DNAH6: variants seen among roughly 807,000 people sequenced by gnomAD.
DNAH6 encodes dynein axonemal heavy chain 6.
In DNAH6, 340 loss-of-function variants were observed where a neutral mutation model predicts 491.4. The observed-to-expected ratio is 0.69, with a 90% confidence interval of 0.63 to 0.76. The LOEUF is 0.76. Ranked by LOEUF, DNAH6 falls within the 30% of genes least tolerant of loss-of-function variation. The pLI is 0.00. For synonymous variants in DNAH6, 1,603 were observed against 1,686.1 expected, an observed-to-expected ratio of 0.95 and a Z score of 1.21; for missense variants, 4,443 against 4,972.2, an observed-to-expected ratio of 0.89 and a Z score of 3.20.
At chr2:84,529,931 A>G (rs960526282) in intron 4 of DNAH6, among the ~76,000 whole-genome samples, 4 of 152,214 alleles carry the variant, frequency 2.6e-5, no homozygotes, top group African/African-American at 7.2e-5. Flanking sequence ...TGCTGCAGAA[A>G]ATGGGTAGAG....
At chr2:84,502,834 A>G in the DNAH6 span, among the ~76,000 whole-genome samples, 25 of 152,072 alleles carry the variant, frequency 1.6e-4, no homozygotes, top group South Asian at 5.2e-3. Flanking sequence ...TTTTGTTTCT[A>G]TAGGCATGGA....
intron 67 of DNAH6, 148 bp downstream of exon 67, chr2:84,785,904 T>C (rs1296722044): frequency 1.3e-6 from 1 of 768,492 alleles, no homozygotes; most frequent in East Asian, 3.0e-5. Flanking sequence ...TCATTCAATC[T>C]CTATACTCCC....
chr2:84,654,978 T>A lies in DNAH6; in HGVS notation c.5757+196T>A, dbSNP rs11893128. Among the ~76,000 whole-genome samples, 12,371 of 151,792 alleles carry A rather than the reference T, an allele frequency of 0.081. 1,685 individuals are homozygous for A. The highest frequency in any genetic ancestry group is 0.28 in the African/African-American group (11,697 of 41,228). ...TCCCCAAATCTGTCCTCATTTCTTG[T>A]TACCCCAGCCTGCCAGCCTGCCTAC... On this transcript the variant is annotated intron_variant, in intron 35 of 76. Coordinates refer to ENST00000389394, the MANE Select transcript of DNAH6 (RefSeq NM_001370.2).
intron 49 of DNAH6, among the ~76,000 whole-genome samples, chr2:84,701,827 T>G (rs1695929614): frequency 6.6e-6 from 1 of 152,272 alleles, no homozygotes; most frequent in South Asian, 2.1e-4. Flanking sequence ...AACATGAGAT[T>G]TGGGTGGGGA....
At chr2:84,468,979 C>T in the DNAH6 span, among the ~76,000 whole-genome samples, 1 of 152,028 alleles carries the variant, frequency 6.6e-6, no homozygotes, top group Non-Finnish European at 1.5e-5. Flanking sequence ...TGTTACTGAC[C>T]AGCTTGTTGG....
chr2:84,699,703 T>C lies in DNAH6; in HGVS notation c.7787T>C (p.Val2596Ala). 1 of 1,551,732 alleles carries C rather than the reference T, an allele frequency of 6.4e-7. No individual in the cohort carries two copies. Among genetic ancestry groups the C allele is most frequent in the Non-Finnish European group, 8.7e-7 (1 of 1,146,992 alleles). Reference sequence around the variant, plus strand: ...CGATGCAGGATGTTTCCATCCCTTGTGAATTGCTGCACCATTGACTGGTTT... The same window carrying C: ...CGATGCAGGATGTTTCCATCCCTTGCGAATTGCTGCACCATTGACTGGTTT... Reference protein sequence around the residue: ...RSRCRMFPSLVNCCTIDWFVQ... With the variant: ...RSRCRMFPSLANCCTIDWFVQ... The change falls in exon 48 of 77, where the codon GTG (valine) becomes GCG (alanine). Residue 2596 changes from valine to alanine, a missense_variant. Physicochemically the swap from Val to Ala is moderately conservative, Grantham distance 64. Transcript: ENST00000389394.
chr2:84,577,526 A>G (rs886923411), intron 13 of DNAH6, 118 bp downstream of exon 13: 4 of 698,054 alleles, frequency 5.7e-6, no homozygotes, highest in Non-Finnish European at 6.4e-6. Flanking sequence ...TTAACATAAG[A>G]CTATTGGACA....
At chr2:84,575,670 G>A (rs749902417) in intron 12 of DNAH6, among the ~76,000 whole-genome samples, 4 of 152,168 alleles carry the variant, frequency 2.6e-5, no homozygotes, top group Non-Finnish European at 5.9e-5. Flanking sequence ...GGATCACGAG[G>A]TCAGGAGATT....
At chr2:84,463,109 G>A in the DNAH6 span, among the ~76,000 whole-genome samples, 8,096 of 152,252 alleles carry the variant, frequency 0.053, 473 homozygotes, top group African/African-American at 0.14. Context: ...GAAGTGCTCA[G>A]AAAGAGCCAG....
chr2:84,729,292 G>A (rs1444298399), intron 61 of DNAH6, among the ~76,000 whole-genome samples: 3 of 152,146 alleles, frequency 2.0e-5, no homozygotes, highest in Non-Finnish European at 4.4e-5. Context: ...GGCACAGAAA[G>A]GTTAAGTAAC....
intron 4 of DNAH6, among the ~76,000 whole-genome samples, chr2:84,531,245 G>T (rs957528118): frequency 1.1e-4 from 16 of 152,056 alleles, no homozygotes; most frequent in African/African-American, 3.9e-4. Context: ...AATAGAATGG[G>T]AGGCAGGTTT....
At chr2:84,559,869 CTAAAT>C (rs1247877833) in intron 11 of DNAH6, among the ~76,000 whole-genome samples, 1 of 151,830 alleles carries the variant, frequency 6.6e-6, no homozygotes, top group Non-Finnish European at 1.5e-5. Context: ...GAAATGAAGA[CTAAAT>C]TATATAGTGC....
chr2:84,671,547 C>T (rs114080400), intron 39 of DNAH6, among the ~76,000 whole-genome samples: 4,942 of 152,302 alleles, frequency 0.032, 96 homozygotes, highest in Middle Eastern at 0.061. Flanking sequence ...TGTCCCCTCT[C>T]TCCTGCTTAG....
chr2:84,688,719 C>A, intron 45 of DNAH6, 126 bp downstream of exon 45: 1 of 692,982 alleles, frequency 1.4e-6, no homozygotes. Flanking sequence ...TATTAACTCT[C>A]ACCATAACTT....
At position 84,624,633 on chromosome 2, in the gene DNAH6, T is replaced by C. The variant is rs940046150; in HGVS notation, c.4353+13T>C. The C allele has an allele frequency of 3.9e-6, 6 of 1,550,036 alleles. No homozygotes were observed. The highest frequency in any genetic ancestry group is 3.9e-5 in the Admixed American group (2 of 50,804). On this transcript the variant is annotated intron_variant, in intron 28 of 76. Transcript: ENST00000389394. ...TACTCCACTCACAGTAAGTTATTGATCACTTGGGTTAATATTGACACAAGA... is the reference window on the plus strand; with the variant it reads ...TACTCCACTCACAGTAAGTTATTGACCACTTGGGTTAATATTGACACAAGA...
chr2:84,515,727 AC>A (rs1208186387), upstream of DNAH6, among the ~76,000 whole-genome samples: 2 of 152,216 alleles, frequency 1.3e-5, no homozygotes, highest in African/African-American at 4.8e-5. Context: ...CTGATCAGTA[AC>A]TGGGATAAGG....
chr2:84,790,633 A>G (rs547721178), intron 68 of DNAH6, among the ~76,000 whole-genome samples: 1 of 152,340 alleles, frequency 6.6e-6, no homozygotes, highest in African/African-American at 2.4e-5. Flanking sequence ...AACACATGTC[A>G]AGATGCTCAA....
chr2:84,617,065 A>T, intron 23 of DNAH6, 83 bp downstream of exon 23: 1 of 731,990 alleles, frequency 1.4e-6, no homozygotes, highest in Non-Finnish European at 2.2e-6. Context: ...ACCTCAAAGC[A>T]TGAAGGAACT....
chr2:84,562,110 G>T (rs1680741023), intron 11 of DNAH6, among the ~76,000 whole-genome samples: 1 of 152,116 alleles, frequency 6.6e-6, no homozygotes, highest in Non-Finnish European at 1.5e-5. Flanking sequence ...TAAGAGAAAA[G>T]TAGAATAAGG....
Sources: allele counts gnomAD v4.1 joint callset (sites outside exome capture counted in the v4.1 genomes callset), GRCh38; gene constraint gnomAD v4.1.1; transcripts MANE v1.5; gene names NCBI Gene and HGNC (gene_info 2026-07-23, HGNC 2026-07-21).